ZNF843: variants seen among roughly 807,000 people sequenced by gnomAD.
The protein encoded by ZNF843 is zinc finger protein 843.
For synonymous variants in ZNF843, 185 were observed against 207.7 expected, an observed-to-expected ratio of 0.89 and a Z score of 0.94; for missense variants, 482 against 469.4, an observed-to-expected ratio of 1.03 and a Z score of -0.25.
Position 31,436,580 on chromosome 16 carries a change from C to A in ZNF843, c.270G>T (p.Ser90=), listed in dbSNP as rs1176419477. ...APASPLGRSH[S]SAGVRQGFSG... ...TAAACCCTTGCCGCACTCCCGCAGA[C>A]GAATGGCTTCTCCCGAGTGGACTCG... The change falls in exon 2 of 2, where the codon TCG becomes TCT. Residue 90 remains serine (S), a synonymous_variant. Transcript: ENST00000315678. 2 of 1,550,942 alleles carry A rather than the reference C, an allele frequency of 1.3e-6. No individual in the cohort carries two copies. The highest frequency in any genetic ancestry group is 1.4e-5 in the African/African-American group (1 of 73,062).
chr16:31,435,819 T>C lies in ZNF843; in HGVS notation c.1031A>G (p.Asn344Ser), dbSNP rs575423632. The change falls in exon 2 of 2, where the codon AAC becomes AGC. Residue 344 changes from asparagine to serine, a missense_variant. Physicochemically the swap from Asn to Ser is conservative, Grantham distance 46. Coordinates refer to ENST00000315678, the MANE Select transcript of ZNF843 (RefSeq NM_001136509.3). ...PVWKASSRRS[N>S]LARH Reference sequence around the variant, plus strand: ...GCTGGTTCTTCAGTGTCGGGCCAGGTTGGACCTCCGGCTGGAGGCCTTCCA... The same window carrying C: ...GCTGGTTCTTCAGTGTCGGGCCAGGCTGGACCTCCGGCTGGAGGCCTTCCA... The C allele has an allele frequency of 5.3e-5, 78 of 1,459,904 alleles. No individual in the cohort carries two copies. The East Asian group carries it at 1.8e-3, about 33-fold the overall frequency. 90.4% of individuals were successfully genotyped at this position (1,459,904 alleles called of 1,614,324 possible). A position where few individuals can be genotyped will look rare whatever the true frequency, so the allele number is the denominator to read the frequency against.
Position 31,436,550 on chromosome 16 carries a change from G to T in ZNF843, c.300C>A (p.Gly100=). ...SSAGVRQGFS[G]QLCCWLTKEH... ...CCTTGGTGAGCCAGCAGCAGAGCTG[G>T]CCGCTAAACCCTTGCCGCACTCCCG... Residue 100 remains glycine (G), a synonymous_variant, in exon 2 of 2, where the codon GGC becomes GGA. Coordinates refer to ENST00000315678, the MANE Select transcript of ZNF843 (RefSeq NM_001136509.3). 1 of 1,549,958 alleles carries T rather than the reference G, an allele frequency of 6.5e-7. No individual in the cohort carries two copies. The highest frequency in any genetic ancestry group is 8.7e-7 in the Non-Finnish European group (1 of 1,145,744).
chr16:31,437,297 CTTTTTT>C (rs59710664), intron 1 of ZNF843, 113 bp from the exon 2 acceptor site: 126 of 82,004 alleles, frequency 1.5e-3, no homozygotes, highest in African/African-American at 5.7e-3. Context: ...TTCTTTCCTT[CTTTTTT>C]TTTTTTTTTT....
In ZNF843 at chr16:31,436,861, C is replaced by A; in HGVS notation, c.-12G>T. ...GGGAGGCTTCTCATGAGCAGGGCTT[C>A]GGAGATGACCGCTCAGGGAGTAACT... is the stretch of plus-strand genomic sequence containing the variant. On this transcript the variant is annotated 5_prime_UTR_variant, in exon 2 of 2. Coordinates refer to ENST00000315678, the MANE Select transcript of ZNF843 (RefSeq NM_001136509.3). 1 of 1,514,166 alleles carries A rather than the reference C, an allele frequency of 6.6e-7. No homozygotes were observed. The highest frequency in any genetic ancestry group is 8.9e-7 in the Non-Finnish European group (1 of 1,127,116). The allele number at this position is 1,514,166 out of a possible 1,614,324, so 93.8% of individuals were successfully genotyped here. A position where few individuals can be genotyped will look rare whatever the true frequency, so the allele number is the denominator to read the frequency against.
Position 31,435,890 on chromosome 16 carries a change from C to T in ZNF843, c.960G>A (p.Pro320=). ...RLQRQCRAPP[P]PSNPHWRGAL... ...CTCCTCTCCAGTGTGGGTTCGAGGG[C>T]GGTGGAGGAGCTCGGCACTGTCGCT... is the stretch of plus-strand genomic sequence containing the variant. Residue 320 remains proline, a synonymous_variant, in exon 2 of 2, where the codon CCG becomes CCA. Coordinates refer to ENST00000315678, the MANE Select transcript of ZNF843 (RefSeq NM_001136509.3). 1 of 1,542,370 alleles carries T rather than the reference C, an allele frequency of 6.5e-7. No individual in the cohort carries two copies. Among genetic ancestry groups the T allele is most frequent in the Non-Finnish European group, 8.8e-7 (1 of 1,142,654 alleles).
At position 31,436,347 on chromosome 16, in the gene ZNF843, G is replaced by T. The variant is rs538851546; in HGVS notation, c.503C>A (p.Pro168Gln). The T allele has an allele frequency of 6.5e-7, 1 of 1,546,564 alleles. No homozygotes were observed. The highest frequency in any genetic ancestry group is 1.4e-5 in the African/African-American group (1 of 73,136). ...TSLSQRVLPH[P>Q]GEKTCRGGSV... ...CCCACCCCTGCAGGTCTTCTCCCCT[G>T]GGTGCGGAAGGACGCGCTGGGAGAG... The change falls in exon 2 of 2, where the codon CCA becomes CAA. Residue 168 changes from proline (P) to glutamine (Q), a missense_variant. Physicochemically the swap from Pro to Gln is moderately conservative, Grantham distance 76. Coordinates refer to ENST00000315678, the MANE Select transcript of ZNF843 (RefSeq NM_001136509.3).
chr16:31,436,475 A>G lies in ZNF843; in HGVS notation c.375T>C (p.Phe125=). The G allele has an allele frequency of 1.3e-6, 2 of 1,551,668 alleles. No individual in the cohort carries two copies. Among genetic ancestry groups the G allele is most frequent in the African/African-American group, 1.4e-5 (1 of 73,186 alleles). The change falls in exon 2 of 2, where the codon TTT becomes TTC. Residue 125 remains phenylalanine, a synonymous_variant. Coordinates refer to ENST00000315678, the MANE Select transcript of ZNF843 (RefSeq NM_001136509.3). The part of the protein sequence containing the change: ...ALRLSPVPAG[F]WGPVEADRPP... Reference sequence around the variant, plus strand: ...GCCGATCAGCTTCCACCGGTCCCCAAAAACCTGCTGGTACTGGGGACAGAC... The same window carrying G: ...GCCGATCAGCTTCCACCGGTCCCCAGAAACCTGCTGGTACTGGGGACAGAC...
At position 31,435,805 on chromosome 16, in the gene ZNF843, A is replaced by G. The variant is rs2082176595; in HGVS notation, c.1045T>C (p.Ter349ArgextTer56). 11 of 1,449,778 alleles carry G rather than the reference A, an allele frequency of 7.6e-6. No individual in the cohort carries two copies. The highest frequency in any genetic ancestry group is 1.0e-5 in the Non-Finnish European group (11 of 1,097,428). 89.8% of individuals were successfully genotyped at this position (1,449,778 alleles called of 1,614,324 possible). The change falls in exon 2 of 2, where the codon TGA (stop) becomes CGA (arginine). Residue 349 changes from the stop codon to arginine, a stop_lost. Coordinates refer to ENST00000315678, the MANE Select transcript of ZNF843 (RefSeq NM_001136509.3). ...SSRRSNLARH[*>R] ...CAGGGCTGCAGCACGCTGGTTCTTCAGTGTCGGGCCAGGTTGGACCTCCGG... is the reference window on the plus strand; with the variant it reads ...CAGGGCTGCAGCACGCTGGTTCTTCGGTGTCGGGCCAGGTTGGACCTCCGG...
intron 1 of ZNF843, among the ~76,000 whole-genome samples, chr16:31,442,169 C>G (rs563214113): frequency 6.6e-6 from 1 of 152,254 alleles, no homozygotes; most frequent in Admixed American, 6.5e-5. Context: ...CCCTTCCCTC[C>G]TGATAACACC....
intron 1 of ZNF843, among the ~76,000 whole-genome samples, chr16:31,442,155 C>T (rs2082203272): frequency 6.6e-6 from 1 of 152,198 alleles, no homozygotes. Flanking sequence ...AGGTGTTGGC[C>T]CGCCCCTTCC....
chr16:31,436,258 G>T lies in ZNF843; in HGVS notation c.592C>A (p.Pro198Thr). The T allele has an allele frequency of 6.5e-7, 1 of 1,547,178 alleles. No homozygotes were observed. Among genetic ancestry groups the T allele is most frequent in the Non-Finnish European group, 8.7e-7 (1 of 1,144,640 alleles). The part of the protein sequence containing the change: ...VAPDSTSGLR[P>T]CGSPGSFLQH... ...AGGAAGGACCCGGGGCTCCCACAGG[G>T]CCGGAGCCCAGAGGTGCTGTCCGGG... Residue 198 changes from proline to threonine, a missense_variant, in exon 2 of 2, where the codon CCC becomes ACC. By Grantham distance (38) the Pro-to-Thr change is conservative. Coordinates refer to ENST00000315678, the MANE Select transcript of ZNF843 (RefSeq NM_001136509.3).
chr16:31,435,937 C>G lies in ZNF843; in HGVS notation c.913G>C (p.Gly305Arg). 2 of 1,542,834 alleles carry G rather than the reference C, an allele frequency of 1.3e-6. No homozygotes were observed. The highest frequency in any genetic ancestry group is 1.8e-6 in the Non-Finnish European group (2 of 1,142,818). Residue 305 changes from glycine (G) to arginine (R), a missense_variant, in exon 2 of 2, where the codon GGC becomes CGC. By Grantham distance (125) the Gly-to-Arg change is moderately radical (BLOSUM62 -2). Transcript: ENST00000315678. ...ASQHRAAGPLGEARARLQRQC... is the reference protein window; with the variant it reads ...ASQHRAAGPLREARARLQRQC... ...CGCTGAAGCCTGGCCCTGGCCTCGC[C>G]GAGCGGTCCGGCCGCTCTGTGCTGC...
rs1437177279 is a variant in ZNF843, at chr16:31,442,766, G to C, written c.-466C>G. The C allele has an allele frequency of 6.6e-6, 1 of 152,278 alleles. No individual in the cohort carries two copies. The highest frequency in any genetic ancestry group is 1.9e-4 in the East Asian group (1 of 5,142). The allele number at this position is 152,278 out of a possible 1,614,324, so 9.4% of individuals were successfully genotyped here. On this transcript the variant is annotated 5_prime_UTR_variant, in exon 1 of 2. Transcript: ENST00000315678. ...GGAACCCAGCCGGGCGCGTAGCTCC[G>C]GGAAGGGGACGTGGCGAGGACCCGG...
intron 1 of ZNF843, among the ~76,000 whole-genome samples, chr16:31,442,223 T>C (rs2082203667): frequency 6.6e-6 from 1 of 152,362 alleles, no homozygotes; most frequent in East Asian, 1.9e-4. Context: ...AAGCCTCGCC[T>C]GGCGCGGGGT....
In ZNF843 at chr16:31,436,674, C is replaced by T. The variant is rs936300255; in HGVS notation, c.176G>A (p.Arg59Gln). ...LQHWRVHSDW[R>Q]ETLSLSPVRQ... ...CACTGGGGACAGCGACAAGGTCTCT[C>T]GCCAGTCGCTGTGGACCCGCCAGTG... Residue 59 changes from arginine to glutamine, a missense_variant, in exon 2 of 2, where the codon CGA becomes CAA. Coordinates refer to ENST00000315678, the MANE Select transcript of ZNF843 (RefSeq NM_001136509.3). 1.2e-4 allele frequency: 186 copies of T among 1,551,264 alleles called. No homozygotes were observed. The highest frequency in any genetic ancestry group is 1.6e-4 in the Non-Finnish European group (178 of 1,146,994).
chr16:31,435,614 AT>A lies in ZNF843; in HGVS notation c.*188del. The A allele has an allele frequency of 1.9e-6, 1 of 535,042 alleles. No individual in the cohort carries two copies. The highest frequency in any genetic ancestry group is 3.1e-6 in the Non-Finnish European group (1 of 323,456). The allele number at this position is 535,042 out of a possible 1,614,324, so 33.1% of individuals were successfully genotyped here. On this transcript the variant is annotated 3_prime_UTR_variant, in exon 2 of 2. Transcript: ENST00000315678. ...CGCACCTGCCTAAATCCCTTAATGTATAAGGGAAAGGAGCGAGAATTCAGGG... is the reference window on the plus strand; with the variant it reads ...CGCACCTGCCTAAATCCCTTAATGTAAAGGGAAAGGAGCGAGAATTCAGGG...
chr16:31,440,011 T>G (rs1042986426), intron 1 of ZNF843, among the ~76,000 whole-genome samples: 3 of 152,330 alleles, frequency 2.0e-5, no homozygotes, highest in African/African-American at 7.2e-5. Flanking sequence ...AATACGGAGT[T>G]GAAATAGCCA....
In ZNF843 at chr16:31,436,106, C is replaced by T. The variant is rs1451146937; in HGVS notation, c.744G>A (p.Leu248=). 11 of 1,550,296 alleles carry T rather than the reference C, an allele frequency of 7.1e-6. No homozygotes were observed. The highest frequency in any genetic ancestry group is 9.6e-6 in the Non-Finnish European group (11 of 1,146,506). Reference sequence around the variant, plus strand: ...TGGCTGGCGGAACCTGGGCAACTTCCAGGCCTCCCAGAGGCACTGCAGGCA... The same window carrying T: ...TGGCTGGCGGAACCTGGGCAACTTCTAGGCCTCCCAGAGGCACTGCAGGCA... ...PAVPAVPLGG[L]EVAQVPPATQ... Residue 248 remains leucine, a synonymous_variant, in exon 2 of 2, where the codon CTG becomes CTA. Transcript: ENST00000315678.
At position 31,435,941 on chromosome 16, in the gene ZNF843, CGGTCCG is replaced by C; in HGVS notation, c.903_908del (p.Gly302_Pro303del). ...GAAGCCTGGCCCTGGCCTCGCCGAG[CGGTCCG>C]GCCGCTCTGTGCTGCGAGGCCTTCC... is the stretch of plus-strand genomic sequence containing the variant. On this transcript the variant is annotated inframe_deletion, in exon 2 of 2. Coordinates refer to ENST00000315678, the MANE Select transcript of ZNF843 (RefSeq NM_001136509.3). 1 of 1,541,426 alleles carries C rather than the reference CGGTCCG, an allele frequency of 6.5e-7. No homozygotes were observed. Among genetic ancestry groups the C allele is most frequent in the Non-Finnish European group, 8.8e-7 (1 of 1,142,122 alleles).
Sources: gnomAD v4.1 joint callset for allele counts (sites outside exome capture counted in the v4.1 genomes callset) on GRCh38, gnomAD v4.1.1 for gene constraint, MANE v1.5 for transcripts, NCBI Gene and HGNC (gene_info 2026-07-23, HGNC 2026-07-21) for gene names.